The following MGAT4C variants were observed in gnomAD, a reference collection of about 807,000 sequenced individuals.
MGAT4C encodes MGAT4 family member C, also known as alpha-1,3-mannosyl-glycoprotein 4-beta-N-acetylglucosaminyltransferase C.
MGAT4C carries 19 observed loss-of-function variants against 40.1 expected under a neutral mutation model. That is an observed-to-expected ratio of 0.47 (90% CI 0.33 to 0.70). The LOEUF (loss-of-function observed/expected upper bound fraction) is 0.70, where lower values mean the gene tolerates loss of function less well. MGAT4C is among the 30% of genes least tolerant of loss of function. The pLI is 0.02. For missense variants in MGAT4C, 491 were observed against 563.2 expected, an observed-to-expected ratio of 0.87 and a Z score of 1.30; for synonymous variants, 181 against 187.1, an observed-to-expected ratio of 0.97 and a Z score of 0.27.
At chr12:86,694,701 T>C (rs7977253) in intron 2 of MGAT4C, among the ~76,000 whole-genome samples, 118,876 of 152,110 alleles carry the variant, frequency 0.78, 47,702 homozygotes, top group Middle Eastern at 0.88. Flanking sequence ...GAAATTGTTG[T>C]ATATAAGCAG....
At chr12:86,170,747 G>C (rs1043339111) in intron 1 of MGAT4C, among the ~76,000 whole-genome samples, 1 of 149,856 alleles carries the variant, frequency 6.7e-6, no homozygotes, top group Non-Finnish European at 1.5e-5. Context: ...GTGCTCAGGA[G>C]GTTGAAACCA....
intron 2 of MGAT4C, among the ~76,000 whole-genome samples, chr12:86,013,074 T>G (rs80270206): frequency 0.01 from 1,551 of 151,864 alleles, 11 homozygotes; most frequent in Middle Eastern, 0.014. Flanking sequence ...ATTCAAGGCT[T>G]CAAAGAACTA....
At chr12:86,514,063 C>T (rs1958640984) in intron 2 of MGAT4C, among the ~76,000 whole-genome samples, 1 of 139,474 alleles carries the variant, frequency 7.2e-6, no homozygotes, top group Non-Finnish European at 1.5e-5. Flanking sequence ...TGAAGCCATG[C>T]ACCAACACAC....
intron 2 of MGAT4C, among the ~76,000 whole-genome samples, chr12:86,510,200 G>A (rs1009247152): frequency 2.6e-5 from 4 of 151,946 alleles, no homozygotes; most frequent in Non-Finnish European, 4.4e-5. Context: ...CTGTGGGTTT[G>A]TCATAGATAG....
intron 1 of MGAT4C, among the ~76,000 whole-genome samples, chr12:86,154,249 G>A (rs898256681): frequency 2.6e-5 from 4 of 152,150 alleles, no homozygotes; most frequent in African/African-American, 9.7e-5. Flanking sequence ...TATGAAATAG[G>A]CTGGGAATTC....
chr12:86,753,676 T>TA (rs573515494), intron 1 of MGAT4C, among the ~76,000 whole-genome samples: 207 of 151,822 alleles, frequency 1.4e-3, no homozygotes, highest in African/African-American at 4.5e-3. Flanking sequence ...ACTTCAATAT[T>TA]AAAAAAAACC....
At chr12:85,987,662 T>G (rs1187019034) in intron 3 of MGAT4C, among the ~76,000 whole-genome samples, 1 of 152,206 alleles carries the variant, frequency 6.6e-6, no homozygotes, top group Non-Finnish European at 1.5e-5. Flanking sequence ...TTTTATTTTC[T>G]AATTGACATA....
intron 2 of MGAT4C, among the ~76,000 whole-genome samples, chr12:86,647,977 G>T (rs1037624192): frequency 6.6e-6 from 1 of 151,782 alleles, no homozygotes; most frequent in African/African-American, 2.4e-5. Context: ...AGACCCATGA[G>T]GGCAAAGGAC....
At chr12:86,302,890 G>A (rs920376405) in intron 4 of MGAT4C, among the ~76,000 whole-genome samples, 5 of 150,720 alleles carry the variant, frequency 3.3e-5, no homozygotes, top group African/African-American at 1.2e-4. Context: ...GAATGGTGGT[G>A]TGAGGGATGA....
chr12:85,988,778 C>T (rs184163748), intron 3 of MGAT4C, among the ~76,000 whole-genome samples: 26 of 151,946 alleles, frequency 1.7e-4, no homozygotes, highest in Non-Finnish European at 3.5e-4. Flanking sequence ...CTAAAAAAAC[C>T]TATTTATATG....
chr12:86,738,918 C>G (rs977646800), intron 1 of MGAT4C, among the ~76,000 whole-genome samples: 11 of 150,808 alleles, frequency 7.3e-5, no homozygotes, highest in African/African-American at 2.4e-4. Context: ...TGGGAAAAAG[C>G]TCTTTTATCA....
At chr12:86,544,943 A>G (rs1959185621) in intron 2 of MGAT4C, among the ~76,000 whole-genome samples, 2 of 152,082 alleles carry the variant, frequency 1.3e-5, no homozygotes, top group African/African-American at 4.8e-5. Context: ...TTTAAATTTA[A>G]TAGTGATTGT....
rs1162461212 is a variant in MGAT4C at position 85,978,981 on chromosome 12, A to AT, written c.*307dup. The AT allele has an allele frequency of 1.6e-5, 3 of 187,892 alleles. No individual in the cohort carries two copies. Among genetic ancestry groups the AT allele is most frequent in the Admixed American group, 1.1e-4 (2 of 17,764 alleles). 11.6% of individuals were successfully genotyped at this position (187,892 alleles called of 1,614,324 possible). A position where few individuals can be genotyped will look rare whatever the true frequency, so the allele number is the denominator to read the frequency against. On this transcript the variant is annotated 3_prime_UTR_variant, in exon 5 of 5. Transcript: ENST00000611864. ...TTTTTCAAAAATCATCATCCAACAA[A>AT]TTTTTTTCATTTAAAATCTTTCATA...
At chr12:86,007,347 T>C (rs776134435) in intron 2 of MGAT4C, among the ~76,000 whole-genome samples, 4 of 152,146 alleles carry the variant, frequency 2.6e-5, no homozygotes, top group Non-Finnish European at 5.9e-5. Context: ...TTTCAATCTA[T>C]GCTTTAGCAC....
chr12:86,104,369 G>A (rs1875740327), intron 1 of MGAT4C, among the ~76,000 whole-genome samples: 1 of 152,086 alleles, frequency 6.6e-6, no homozygotes, highest in East Asian at 1.9e-4. Context: ...GAGCCTAGGA[G>A]ACAGAGGTTA....
chr12:86,654,085 T>G (rs746816792), intron 2 of MGAT4C, among the ~76,000 whole-genome samples: 12 of 151,932 alleles, frequency 7.9e-5, no homozygotes, highest in Admixed American at 7.9e-4. Flanking sequence ...AACAAAAAAG[T>G]CTATATTCTT....
chr12:86,018,630 G>A (rs1449354568), intron 2 of MGAT4C, among the ~76,000 whole-genome samples: 1 of 152,050 alleles, frequency 6.6e-6, no homozygotes, highest in East Asian at 1.9e-4. Context: ...ATTACATTGG[G>A]TACAAAAGTC....
intron 1 of MGAT4C, among the ~76,000 whole-genome samples, chr12:86,182,919 A>G (rs2135872811): frequency 6.6e-6 from 1 of 152,232 alleles, no homozygotes; most frequent in Non-Finnish European, 1.5e-5. Context: ...CAACTTCCAG[A>G]CCCAGCACTA....
At chr12:86,572,619 G>T (rs1247822191) in intron 2 of MGAT4C, among the ~76,000 whole-genome samples, 2 of 152,070 alleles carry the variant, frequency 1.3e-5, no homozygotes, top group Admixed American at 6.6e-5. Context: ...GTGTCCTGCT[G>T]TTGCATATGA....
Sources: allele counts gnomAD v4.1 joint callset (sites outside exome capture counted in the v4.1 genomes callset), GRCh38; gene constraint gnomAD v4.1.1; transcripts MANE v1.5; gene names NCBI Gene and HGNC (gene_info 2026-07-23, HGNC 2026-07-21).